UTS2B: variants seen among roughly 807,000 people sequenced by gnomAD.
UTS2B encodes the protein urotensin 2B, also known as urotensin-2B.
Under a neutral mutation model 19.2 loss-of-function variants are expected in UTS2B, and 21 were observed. The ratio of observed to expected loss-of-function variants is 1.09; its 90% CI spans 0.78 to 1.58. The LOEUF (loss-of-function observed/expected upper bound fraction) is 1.58. Ranked by LOEUF, UTS2B falls within the 40% of genes most tolerant of loss-of-function variation. UTS2B has a pLI of 0.00. For missense variants in UTS2B, 138 were observed against 130.3 expected, an observed-to-expected ratio of 1.06 and a Z score of -0.29; for synonymous variants, 57 against 50.2, an observed-to-expected ratio of 1.14 and a Z score of -0.58.
intron 4 of UTS2B, among the ~76,000 whole-genome samples, chr3:191,293,494 C>T (rs1716772044): frequency 6.7e-6 from 1 of 150,062 alleles, no homozygotes; most frequent in Admixed American, 6.6e-5. Flanking sequence ...TTTATCCATT[C>T]CATATAGGTT....
intron 7 of UTS2B, 111 bp from the exon 8 acceptor site, chr3:191,275,456 A>G (rs1037699377): frequency 4.1e-6 from 3 of 734,154 alleles, no homozygotes; most frequent in South Asian, 1.6e-5. Context: ...CGAGGCAGGC[A>G]GGTCACGAGG....
upstream of UTS2B, among the ~76,000 whole-genome samples, chr3:191,332,383 T>C (rs921998665): frequency 6.6e-6 from 1 of 152,322 alleles, no homozygotes; most frequent in Non-Finnish European, 1.5e-5. Flanking sequence ...AGTTCATATG[T>C]AGGTGAAAAG....
intron 4 of UTS2B, among the ~76,000 whole-genome samples, chr3:191,286,831 G>GTT (rs61426113): frequency 7.9e-5 from 12 of 151,224 alleles, no homozygotes; most frequent in African/African-American, 2.2e-4. Context: ...AATAGGACTT[G>GTT]TTTTTTTGAA....
chr3:191,286,395 AGAAGAAT>A lies in UTS2B; in HGVS notation c.-124-4089_-124-4083del, dbSNP rs573307593. ...TATTAGACCACAATTAACAAATTTA[AGAAGAAT>A]GAAGTCATATCTTATATCTTCTCCA... On this transcript the variant is annotated intron_variant, in intron 4 of 8. Coordinates refer to ENST00000340524, the MANE Select transcript of UTS2B (RefSeq NM_198152.5). Among the ~76,000 whole-genome samples, 15 of 108,190 alleles carry A rather than the reference AGAAGAAT, an allele frequency of 1.4e-4. No homozygotes were observed. In the East Asian group the frequency reaches 3.5e-3, roughly 25 times the overall value. The allele number at this position is 108,190 out of a possible 152,430, so 71.0% of individuals were successfully genotyped here.
intron 4 of UTS2B, among the ~76,000 whole-genome samples, chr3:191,303,073 G>C (rs1384415631): frequency 6.6e-6 from 1 of 152,312 alleles, no homozygotes; most frequent in South Asian, 2.1e-4. Flanking sequence ...AACTTCATCT[G>C]CACAAAAACA....
chr3:191,301,560 T>C (rs1560141288), intron 4 of UTS2B, among the ~76,000 whole-genome samples: 1 of 145,676 alleles, frequency 6.9e-6, no homozygotes. Flanking sequence ...GATCTCGGCT[T>C]GCTGCAAGCT....
At chr3:191,318,474 A>G (rs1717525589) in intron 2 of UTS2B, among the ~76,000 whole-genome samples, 1 of 151,996 alleles carries the variant, frequency 6.6e-6, no homozygotes, top group Admixed American at 6.6e-5. Context: ...TTTATGTTTT[A>G]TTTTTTATTT....
intron 2 of UTS2B, among the ~76,000 whole-genome samples, chr3:191,317,118 G>A (rs1406479626): frequency 1.3e-5 from 2 of 152,212 alleles, no homozygotes; most frequent in East Asian, 1.9e-4. Flanking sequence ...GTGGGGGCTC[G>A]GGCATAGCGG....
At chr3:191,309,249 C>A (rs1717223594) in intron 3 of UTS2B, among the ~76,000 whole-genome samples, 1 of 152,138 alleles carries the variant, frequency 6.6e-6, no homozygotes, top group Non-Finnish European at 1.5e-5. Flanking sequence ...GCAAGCTCCG[C>A]CTCCCTGATT....
intron 8 of UTS2B, among the ~76,000 whole-genome samples, chr3:191,272,619 G>C (rs961725358): frequency 2.0e-5 from 3 of 152,174 alleles, no homozygotes; most frequent in African/African-American, 4.8e-5. Context: ...CCAGCACTTT[G>C]GGAGGCAGAA....
Position 191,278,121 on chromosome 3 carries a change from C to A in UTS2B, c.153G>T (p.Leu51Phe), listed in dbSNP as rs1716287397. 4 of 1,568,488 alleles carry A rather than the reference C, an allele frequency of 2.6e-6. No individual in the cohort carries two copies. Among genetic ancestry groups the A allele is most frequent in the Non-Finnish European group, 3.4e-6 (4 of 1,160,938 alleles). The stretch of plus-strand genomic sequence containing the variant: ...CAAAATTTTTATTCAGTAGAGCCAG[C>A]AATAGTTCCTCACGATTTGTATATT... Reference protein sequence around the residue: ...DKKYTNREELLLALLNKNFDF... With the variant: ...DKKYTNREELFLALLNKNFDF... The change falls in exon 6 of 9, where the codon TTG becomes TTT. Residue 51 changes from leucine to phenylalanine, a missense_variant. Physicochemically the swap from Leu to Phe is conservative, Grantham distance 22. Transcript: ENST00000340524.
intron 4 of UTS2B, among the ~76,000 whole-genome samples, chr3:191,285,595 T>TA (rs1716517696): frequency 6.6e-6 from 1 of 152,068 alleles, no homozygotes; most frequent in Admixed American, 6.5e-5. Context: ...ATTTCACTTT[T>TA]AAAAATATAC....
rs1302421827 is a variant in UTS2B, at chr3:191,316,170, C to T, written c.-316G>A. The T allele has an allele frequency of 6.6e-6, 1 of 152,210 alleles. No individual in the cohort carries two copies. Among genetic ancestry groups the T allele is most frequent in the Admixed American group, 6.5e-5 (1 of 15,272 alleles). The allele number at this position is 152,210 out of a possible 1,614,324, so 9.4% of individuals were successfully genotyped here. On this transcript the variant is annotated 5_prime_UTR_variant, in exon 3 of 9. It introduces an in-frame stop codon into an upstream open reading frame of the 5' UTR. Coordinates refer to ENST00000340524, the MANE Select transcript of UTS2B (RefSeq NM_198152.5). ...TGTTGGCTGGGGTGTTTGTTTTCTTCCACATAGCCTTTCCATATAGCCAGT... is the reference window on the plus strand; with the variant it reads ...TGTTGGCTGGGGTGTTTGTTTTCTTTCACATAGCCTTTCCATATAGCCAGT...
At chr3:191,291,023 C>A (rs1279534309) in intron 4 of UTS2B, among the ~76,000 whole-genome samples, 1 of 152,060 alleles carries the variant, frequency 6.6e-6, no homozygotes, top group Non-Finnish European at 1.5e-5. Flanking sequence ...AGGAAGGAAG[C>A]AAAAGTAGAG....
chr3:191,297,086 G>A (rs902172323), intron 4 of UTS2B, among the ~76,000 whole-genome samples: 7 of 152,152 alleles, frequency 4.6e-5, no homozygotes, highest in African/African-American at 1.7e-4. Flanking sequence ...CTCTTCAAAT[G>A]AAGAGCCTTC....
intron 3 of UTS2B, among the ~76,000 whole-genome samples, chr3:191,314,542 A>T (rs557629075): frequency 1.3e-4 from 20 of 152,314 alleles, no homozygotes; most frequent in African/African-American, 4.8e-4. Flanking sequence ...TTCCTGGCAT[A>T]CAACCAAAAT....
At chr3:191,324,490 T>C (rs1576938572) in intron 2 of UTS2B, among the ~76,000 whole-genome samples, 2 of 152,288 alleles carry the variant, frequency 1.3e-5, no homozygotes, top group East Asian at 3.9e-4. Flanking sequence ...GGCGGATCTT[T>C]CCCATGCTAT....
chr3:191,275,025 T>G (rs543250395), intron 8 of UTS2B, among the ~76,000 whole-genome samples: 18 of 152,342 alleles, frequency 1.2e-4, no homozygotes, highest in African/African-American at 4.1e-4. Flanking sequence ...TAAGGACCTA[T>G]TTTATTTAAA....
the UTS2B span, among the ~76,000 whole-genome samples, chr3:191,338,868 T>G: frequency 1.3e-5 from 2 of 152,356 alleles, no homozygotes; most frequent in South Asian, 2.1e-4. Flanking sequence ...TTTAATTATA[T>G]AAGATGCTGG....
Sources: gnomAD v4.1 joint callset for allele counts (sites outside exome capture counted in the v4.1 genomes callset) on GRCh38, gnomAD v4.1.1 for gene constraint, MANE v1.5 for transcripts, NCBI Gene and HGNC (gene_info 2026-07-23, HGNC 2026-07-21) for gene names.